PCDH17: variants seen among roughly 807,000 people sequenced by gnomAD.
PCDH17 encodes protocadherin-17.
A neutral mutation model predicts 67.7 loss-of-function variants in PCDH17; 21 were observed. That is an observed-to-expected ratio of 0.31 (90% CI 0.22 to 0.45). The LOEUF (loss-of-function observed/expected upper bound fraction) is 0.45. Among genes scored for constraint, PCDH17 ranks in the 20% least tolerant of loss-of-function variants. The pLI is 1.00. For synonymous variants in PCDH17, 701 were observed against 656.7 expected (o/e 1.07, Z -1.03); for missense variants, 1,471 against 1,564.8 (o/e 0.94, Z 1.01).
Position 57,634,064 on chromosome 13 carries a change from C to G in PCDH17, c.1518C>G (p.Thr506=), listed in dbSNP as rs371111071. The change falls in exon 1 of 4, where the codon ACC becomes ACG. Residue 506 remains threonine (T), a synonymous_variant. Coordinates refer to ENST00000377918, the MANE Select transcript of PCDH17 (RefSeq NM_001040429.3). This position sits in a 1 kb window ranked among gnomAD's most constrained non-coding sequence, Gnocchi z 7.8. ...AQDPDLGQNG[T]VSYSILPSHI... ...ATCCCGACCTGGGCCAGAACGGCAC[C>G]GTATCCTACTCTATCCTGCCCTCGC... The G allele has an allele frequency of 3.7e-6, 6 of 1,613,408 alleles. No individual in the cohort carries two copies. Among genetic ancestry groups the G allele is most frequent in the Non-Finnish European group, 5.1e-6 (6 of 1,180,020 alleles).
At chr13:57,644,264 A>T (rs1351005685) in intron 1 of PCDH17, among the ~76,000 whole-genome samples, 1 of 151,624 alleles carries the variant, frequency 6.6e-6, no homozygotes, top group East Asian at 1.9e-4. Flanking sequence ...CATTTTAAGG[A>T]TCCTTGGCAG....
chr13:57,647,114 G>T (rs1017188398), intron 1 of PCDH17, among the ~76,000 whole-genome samples: 1 of 151,682 alleles, frequency 6.6e-6, no homozygotes, highest in African/African-American at 2.4e-5. Flanking sequence ...ACATCTGCTG[G>T]CAATGTGACT....
intron 1 of PCDH17, among the ~76,000 whole-genome samples, chr13:57,649,949 A>G (rs912209312): frequency 3.3e-5 from 5 of 152,162 alleles, no homozygotes; most frequent in African/African-American, 1.2e-4. Flanking sequence ...TCCAAGCTGT[A>G]TGTGACAACC....
intron 1 of PCDH17, among the ~76,000 whole-genome samples, chr13:57,653,559 C>A (rs772737220): frequency 2.0e-5 from 3 of 151,908 alleles, no homozygotes; most frequent in Non-Finnish European, 2.9e-5. Context: ...CTTAGTTTCC[C>A]CATCCACAAA....
At chr13:57,675,708 A>C (rs1955384639) in intron 3 of PCDH17, among the ~76,000 whole-genome samples, 1 of 151,938 alleles carries the variant, frequency 6.6e-6, no homozygotes, top group African/African-American at 2.4e-5. Flanking sequence ...GCGATGTGTG[A>C]GACTAGGAAT....
In PCDH17 at chr13:57,634,465, C is replaced by T; in HGVS notation, c.1919C>T (p.Pro640Leu). ...GACGACCACCTGTTTGAGATCGACCCGTCCAGCGGCGAGATCCGCACGCTG... is the reference window on the plus strand; with the variant it reads ...GACGACCACCTGTTTGAGATCGACCTGTCCAGCGGCGAGATCCGCACGCTG... ...GNDDHLFEID[P>L]SSGEIRTLHP... Residue 640 changes from proline (P) to leucine (L), a missense_variant, in exon 1 of 4, where the codon CCG (proline) becomes CTG (leucine). Coordinates refer to ENST00000377918, the MANE Select transcript of PCDH17 (RefSeq NM_001040429.3). This position sits in a 1 kb window ranked among gnomAD's most constrained non-coding sequence, Gnocchi z 7.8. 6 of 1,612,844 alleles carry T rather than the reference C, an allele frequency of 3.7e-6. No individual in the cohort carries two copies. The highest frequency in any genetic ancestry group is 5.1e-6 in the Non-Finnish European group (6 of 1,179,974).
At chr13:57,683,487 A>G (rs1593924762) in intron 3 of PCDH17, among the ~76,000 whole-genome samples, 1 of 151,866 alleles carries the variant, frequency 6.6e-6, no homozygotes, top group African/African-American at 2.4e-5. Context: ...ATATAATGTA[A>G]TCTTGAGAGA....
At chr13:57,689,595 G>A (rs954828714) in intron 3 of PCDH17, among the ~76,000 whole-genome samples, 1 of 151,978 alleles carries the variant, frequency 6.6e-6, no homozygotes, top group African/African-American at 2.4e-5. Context: ...AATTTACATA[G>A]ACCTTTAAAA....
intron 3 of PCDH17, among the ~76,000 whole-genome samples, chr13:57,704,087 G>A (rs7333401): frequency 0.82 from 124,290 of 151,986 alleles, 51,333 homozygotes; most frequent in African/African-American, 0.93. Context: ...GGATATTTTT[G>A]TACTCTTAGA....
chr13:57,648,827 G>T (rs1415900901), intron 1 of PCDH17, among the ~76,000 whole-genome samples: 1 of 151,986 alleles, frequency 6.6e-6, no homozygotes, highest in Non-Finnish European at 1.5e-5. Flanking sequence ...ATTTCAGGTG[G>T]TTATCTTGAG....
At chr13:57,668,456 T>G (rs1163269164) in intron 3 of PCDH17, among the ~76,000 whole-genome samples, 2 of 152,082 alleles carry the variant, frequency 1.3e-5, no homozygotes, top group African/African-American at 2.4e-5. Flanking sequence ...AAAACTGCTG[T>G]TCACATTAAC....
intron 1 of PCDH17, among the ~76,000 whole-genome samples, chr13:57,643,740 C>T (rs1043572713): frequency 1.6e-4 from 25 of 151,574 alleles, no homozygotes; most frequent in African/African-American, 4.8e-4. Context: ...CTTACCTTCC[C>T]ATTGTTTCAC....
chr13:57,660,061 C>G (rs1404475235), intron 1 of PCDH17, among the ~76,000 whole-genome samples: 1 of 151,926 alleles, frequency 6.6e-6, no homozygotes, highest in Non-Finnish European at 1.5e-5. Context: ...TTGGCAAAAC[C>G]CCGTCTATAC....
chr13:57,721,101 C>T (rs989204967), intron 3 of PCDH17, among the ~76,000 whole-genome samples: 1 of 152,146 alleles, frequency 6.6e-6, no homozygotes, highest in East Asian at 1.9e-4. Context: ...CACAGTCCCA[C>T]CTTGTGTACT....
intron 3 of PCDH17, among the ~76,000 whole-genome samples, chr13:57,689,657 T>C (rs1955538953): frequency 6.6e-6 from 1 of 152,006 alleles, no homozygotes; most frequent in Admixed American, 6.6e-5. Context: ...TTTCTGTATA[T>C]GCATAATGCA....
chr13:57,695,014 C>A (rs1054115614), intron 3 of PCDH17, among the ~76,000 whole-genome samples: 6 of 150,976 alleles, frequency 4.0e-5, no homozygotes, highest in African/African-American at 1.5e-4. Context: ...CCACTTGATT[C>A]CTGCCCAGGA....
At chr13:57,722,369 A>T (rs565982680) in intron 3 of PCDH17, among the ~76,000 whole-genome samples, 9 of 152,328 alleles carry the variant, frequency 5.9e-5, no homozygotes, top group South Asian at 2.1e-4. Context: ...TGAATTTTTT[A>T]AAAAATTTCA....
chr13:57,637,494 A>G (rs1168674252), intron 1 of PCDH17, among the ~76,000 whole-genome samples: 1 of 151,926 alleles, frequency 6.6e-6, no homozygotes, highest in African/African-American at 2.4e-5. Flanking sequence ...GACATGCTTA[A>G]ATTAAAGCAT....
rs943968579 is a variant in PCDH17, at chr13:57,671,707, C to T, written c.2797+4874C>T. Among the ~76,000 whole-genome samples, 3 of 152,044 alleles carry T rather than the reference C, an allele frequency of 2.0e-5. No homozygotes were observed. In the South Asian group the frequency reaches 6.2e-4, roughly 31 times the overall value. ...ATTTCTCTGAGCTCCTTAATGATGGCTAAGTGATAGTTCCCAATTTTCCAA... is the reference window on the plus strand; with the variant it reads ...ATTTCTCTGAGCTCCTTAATGATGGTTAAGTGATAGTTCCCAATTTTCCAA... On this transcript the variant is annotated intron_variant, in intron 3 of 3. Transcript: ENST00000377918.
Sources: allele counts gnomAD v4.1 joint callset (sites outside exome capture counted in the v4.1 genomes callset), GRCh38; gene constraint gnomAD v4.1.1; non-coding constraint Gnocchi (gnomAD v3.1); transcripts MANE v1.5; gene names NCBI Gene and HGNC (gene_info 2026-07-23, HGNC 2026-07-21).